The following MXRA5 variants were observed in gnomAD, a reference collection of about 807,000 sequenced individuals.
The protein encoded by MXRA5 is matrix remodeling associated 5, also known as matrix-remodeling-associated protein 5.
In MXRA5, 41 loss-of-function variants were observed where a neutral mutation model predicts 112.5. The observed-to-expected ratio is 0.36, with a 90% CI of 0.28 to 0.47. MXRA5 has a LOEUF of 0.47. Ranked by LOEUF, MXRA5 falls within the 20% of genes least tolerant of loss-of-function variation. MXRA5 has a pLI of 0.99. For missense variants in MXRA5, 2,150 were observed against 2,251.0 expected (o/e 0.96, Z 0.91); for synonymous variants, 862 against 900.8 (o/e 0.96, Z 0.77).
At chrX:3,339,112 A>G (rs1054175627) in intron 2 of MXRA5, among the ~76,000 whole-genome samples, 1 of 111,018 alleles carries the variant, frequency 9.0e-6, no homozygotes, top group Admixed American at 9.6e-5. Flanking sequence ...GGAAAATAGG[A>G]ACAAAGGATA....
At chrX:3,339,711 A>C (rs1257277737) in intron 2 of MXRA5, among the ~76,000 whole-genome samples, 3 of 111,686 alleles carry the variant, frequency 2.7e-5, no homozygotes, top group African/African-American at 9.8e-5. Context: ...AAGGGTATAC[A>C]TGTCCCCTTC....
Position 3,318,321 on chromosome X carries a change from G to GT in MXRA5, c.5678-319dup, listed in dbSNP as rs962042347. 4.5e-5 allele frequency among the ~76,000 whole-genome samples: 5 copies of GT among 110,433 alleles called. No individual in the cohort carries two copies. In the Admixed American group the frequency reaches 4.8e-4, roughly 11 times the overall value. ...CCACTCCTGGATAATTTAAATTTTT[G>GT]TTTTTTGTAGAGACATGGTCTTGCT... On this transcript the variant is annotated intron_variant, in intron 5 of 6. Coordinates refer to ENST00000217939, the MANE Select transcript of MXRA5 (RefSeq NM_015419.4).
chrX:3,339,502 G>A (rs1300275568), intron 2 of MXRA5, among the ~76,000 whole-genome samples: 7 of 110,668 alleles, frequency 6.3e-5, no homozygotes, highest in South Asian at 3.9e-4. Context: ...TCCTGACCTC[G>A]TGATCCACCC....
chrX:3,346,572 G>A lies in MXRA5; in HGVS notation c.-86C>T. 1 of 754,775 alleles carries A rather than the reference G, an allele frequency of 1.3e-6. No homozygotes were observed. Among genetic ancestry groups the A allele is most frequent in the Non-Finnish European group, 1.6e-6 (1 of 639,310 alleles). 62.2% of individuals were successfully genotyped at this position (754,775 alleles called of 1,213,427 possible). A position where few individuals can be genotyped will look rare whatever the true frequency, so the allele number is the denominator to read the frequency against. On this transcript the variant is annotated 5_prime_UTR_variant, in exon 1 of 7. Transcript: ENST00000217939. ...GTGCGCCGGGAGCATCCACCGAGCC[G>A]GGGCGCGCGAGTCACGGCCGGGAGT...
intron 4 of MXRA5, among the ~76,000 whole-genome samples, chrX:3,327,637 TGA>T (rs1193301602): frequency 8.9e-6 from 1 of 112,589 alleles, no homozygotes; most frequent in Non-Finnish European, 1.9e-5. Context: ...CAAACTTTGA[TGA>T]GAATCAGCTC....
At chrX:3,316,715 C>T (rs1356741607) in intron 6 of MXRA5, among the ~76,000 whole-genome samples, 3 of 108,838 alleles carry the variant, frequency 2.8e-5, no homozygotes, top group Admixed American at 9.8e-5. Context: ...GTCACTCTGT[C>T]GTCCAGGGTG....
Position 3,322,832 on chromosome X carries a change from C to T in MXRA5, c.2853G>A (p.Ser951=), listed in dbSNP as rs754749263. The change falls in exon 5 of 7, where the codon TCG becomes TCA. Residue 951 remains serine (S), a synonymous_variant. Transcript: ENST00000217939. ...TEGWSAADVG[S]SPEPTSSEYE... is the part of the protein sequence containing the mutation. Reference sequence around the variant, plus strand: ...ACTCACTGGATGTGGGCTCTGGTGACGATCCAACATCTGCTGCAGACCAAC... The same window carrying T: ...ACTCACTGGATGTGGGCTCTGGTGATGATCCAACATCTGCTGCAGACCAAC... The T allele has an allele frequency of 5.1e-5, 62 of 1,209,618 alleles. No individual in the cohort carries two copies. In the East Asian group the frequency reaches 1.1e-3, roughly 22 times the overall value.
At chrX:3,316,207 G>T (rs1333786039) in intron 6 of MXRA5, among the ~76,000 whole-genome samples, 1 of 68,226 alleles carries the variant, frequency 1.5e-5, no homozygotes, top group Non-Finnish European at 2.6e-5. Context: ...CCAGCTACAC[G>T]GGAGGCTGAG....
rs761437725 is a variant in MXRA5 at position 3,320,618 on chromosome X, G to A, written c.5067C>T (p.Asp1689=). The A allele has an allele frequency of 6.6e-6, 8 of 1,211,634 alleles. No individual in the cohort carries two copies. The South Asian group carries it at 1.4e-4, about 21-fold the overall frequency. ...AGCCATTGAATTGGTCAGTTCTTCG[G>A]TCAGTAAACTTACTAGGAATGCTGG... ...SKPSIPSKFT[D]RRTDQFNGYS... The change falls in exon 5 of 7, where the codon GAC becomes GAT. Residue 1689 remains aspartate, a synonymous_variant. Transcript: ENST00000217939.
rs1054412911 is a variant in MXRA5 at position 3,329,823 on chromosome X, G to C, written c.709+195C>G. Reference sequence around the variant, plus strand: ...ACTAAGGGATAACTGCCTTTGCGTTGGGGAATGGAGATGTCTTAACATTTA... The same window carrying C: ...ACTAAGGGATAACTGCCTTTGCGTTCGGGAATGGAGATGTCTTAACATTTA... On this transcript the variant is annotated intron_variant, in intron 4 of 6. Coordinates refer to ENST00000217939, the MANE Select transcript of MXRA5 (RefSeq NM_015419.4). Among the ~76,000 whole-genome samples the C allele has an allele frequency of 5.0e-4, 56 of 111,826 alleles. 1 individual carries two copies. Among genetic ancestry groups the C allele is most frequent in the Non-Finnish European group, 9.0e-4 (48 of 53,149 alleles).
In MXRA5 at chrX:3,309,749, A is replaced by G. The variant is rs145535506; in HGVS notation, c.8454T>C (p.Ser2818=). 7.3e-5 allele frequency: 88 copies of G among 1,209,808 alleles called. 1 individual carries two copies. In the African/African-American group the frequency reaches 1.2e-3, roughly 17 times the overall value. The part of the protein sequence containing the change: ...YKCMAKNILG[S]DSKTTYIHVF Reference sequence around the variant, plus strand: ...CGTGGATGTAAGTTGTTTTGGAGTCACTGCCGAGAATGTTTTTTGCCATGC... The same window carrying G: ...CGTGGATGTAAGTTGTTTTGGAGTCGCTGCCGAGAATGTTTTTTGCCATGC... The change falls in exon 7 of 7, where the codon AGT becomes AGC. Residue 2818 remains serine, a synonymous_variant. Coordinates refer to ENST00000217939, the MANE Select transcript of MXRA5 (RefSeq NM_015419.4).
chrX:3,322,695 G>T lies in MXRA5; in HGVS notation c.2990C>A (p.Thr997Asn), dbSNP rs759821804. Residue 997 changes from threonine (T) to asparagine (N), a missense_variant, in exon 5 of 7, where the codon ACC becomes AAC. Coordinates refer to ENST00000217939, the MANE Select transcript of MXRA5 (RefSeq NM_015419.4). ...QPDEDKMKEDTFAHLTPTPTI... is the reference protein window; with the variant it reads ...QPDEDKMKEDNFAHLTPTPTI... ...GGGGGTTGGAGTAAGGTGTGCAAAG[G>T]TGTCTTCTTTCATCTTATCCTCATC... The T allele has an allele frequency of 2.5e-6, 3 of 1,211,478 alleles. No homozygotes were observed. The highest frequency in any genetic ancestry group is 1.8e-5 in the South Asian group (1 of 56,948).
intron 2 of MXRA5, among the ~76,000 whole-genome samples, chrX:3,337,570 A>G (rs1921810441): frequency 8.9e-6 from 1 of 111,920 alleles, no homozygotes; most frequent in Non-Finnish European, 1.9e-5. Flanking sequence ...TCATCCTATC[A>G]TCTATCAAGC....
chrX:3,324,568 T>C lies in MXRA5; in HGVS notation c.1117A>G (p.Asn373Asp). ...ATCAATTTCCATAGCTTTTCATAGT[T>C]TTCTCGGGTCATTGGACACTCAAAG... ...LDFECPMTRE[N>D]YEKLWKLIAY... Residue 373 changes from asparagine to aspartate, a missense_variant, in exon 5 of 7, where the codon AAC (asparagine) becomes GAC (aspartate). Physicochemically the swap from Asn to Asp is conservative, Grantham distance 23 (BLOSUM62 1). Around this residue, in one of 6 missense-constraint regions of MXRA5, gnomAD observed 386 missense variants for 411.0 expected, o/e 0.94. Transcript: ENST00000217939. The C allele has an allele frequency of 8.3e-7, 1 of 1,211,545 alleles. No individual in the cohort carries two copies. Among genetic ancestry groups the C allele is most frequent in the Non-Finnish European group, 1.1e-6 (1 of 895,364 alleles).
In MXRA5 at chrX:3,321,115, C is replaced by G; in HGVS notation, c.4570G>C (p.Asp1524His). 8.3e-7 allele frequency: 1 copy of G among 1,211,741 alleles called. No homozygotes were observed. Among genetic ancestry groups the G allele is most frequent in the Middle Eastern group, 2.3e-4 (1 of 4,349 alleles). ...PSPRISQASRDSKENVFLNYV... is the reference protein window; with the variant it reads ...PSPRISQASRHSKENVFLNYV... ...TTCAAGAAAACATTTTCCTTGGAAT[C>G]TCTAGATGCTTGAGATATTCTTGGA... Residue 1524 changes from aspartate (D) to histidine (H), a missense_variant, in exon 5 of 7, where the codon GAT (aspartate) becomes CAT (histidine). Physicochemically the swap from Asp to His is moderately conservative, Grantham distance 81. This residue lies in a region of MXRA5 where 1,485 missense variants were observed against 1,471.6 expected (regional missense o/e 1.01). Coordinates refer to ENST00000217939, the MANE Select transcript of MXRA5 (RefSeq NM_015419.4).
intron 2 of MXRA5, among the ~76,000 whole-genome samples, chrX:3,341,151 T>TATAATG (rs1921934119): frequency 1.8e-4 from 1 of 5,625 alleles, no homozygotes; most frequent in African/African-American, 2.7e-4. Context: ...TATACATATA[T>TATAATG]TATATATTAT....
At chrX:3,342,970 A>T (rs1318781988) in intron 2 of MXRA5, among the ~76,000 whole-genome samples, 1 of 112,511 alleles carries the variant, frequency 8.9e-6, no homozygotes. Flanking sequence ...GATGCTAAAA[A>T]GTAGCTATTA....
At position 3,321,250 on chromosome X, in the gene MXRA5, G is replaced by C; in HGVS notation, c.4435C>G (p.Gln1479Glu). The change falls in exon 5 of 7, where the codon CAG becomes GAG. Residue 1479 changes from glutamine to glutamate, a missense_variant. This residue lies in a region of MXRA5 where 1,485 missense variants were observed against 1,471.6 expected (regional missense o/e 1.01). Coordinates refer to ENST00000217939, the MANE Select transcript of MXRA5 (RefSeq NM_015419.4). ...CGGGCAGCAGTAGGGGTGTGATTCT[G>C]TGGTCTAGTTTCAGAAAGGAGAATA... Reference protein sequence around the residue: ...VAILLSETRPQNHTPTAARMK... With the variant: ...VAILLSETRPENHTPTAARMK... 8.3e-7 allele frequency: 1 copy of C among 1,211,581 alleles called. No individual in the cohort carries two copies. The highest frequency in any genetic ancestry group is 1.1e-6 in the Non-Finnish European group (1 of 895,427).
chrX:3,315,416 G>A (rs1188612397), intron 6 of MXRA5, among the ~76,000 whole-genome samples: 2 of 67,142 alleles, frequency 3.0e-5, no homozygotes, highest in African/African-American at 5.9e-5. Flanking sequence ...TAGATAGATA[G>A]ATAGAACCTT....
Sources: gnomAD v4.1 joint callset for allele counts (sites outside exome capture counted in the v4.1 genomes callset) on GRCh38, gnomAD v4.1.1 for gene constraint, gnomAD v4.1.1 regional missense constraint, MANE v1.5 for transcripts, NCBI Gene and HGNC (gene_info 2026-07-23, HGNC 2026-07-21) for gene names.